The following FOXJ3 variants were observed in gnomAD, a reference collection of about 807,000 sequenced individuals.
FOXJ3 encodes forkhead box protein J3.
In FOXJ3, 22 loss-of-function variants were observed where a neutral mutation model predicts 76.1. The observed-to-expected ratio is 0.29, with a 90% CI of 0.21 to 0.41. FOXJ3 has a LOEUF of 0.41. Ranked by LOEUF, FOXJ3 falls within the 10% of genes least tolerant of loss-of-function variation. FOXJ3 has a pLI of 1.00. For synonymous variants in FOXJ3, 269 were observed against 261.2 expected (o/e 1.03, Z -0.29); for missense variants, 613 against 762.1 (o/e 0.80, Z 2.30).
chr1:42,292,564 A>C (rs1653509173), intron 2 of FOXJ3, among the ~76,000 whole-genome samples: 1 of 152,236 alleles, frequency 6.6e-6, no homozygotes, highest in Non-Finnish European at 1.5e-5. Flanking sequence ...ATTGTATGAT[A>C]CCATTTATGT....
At chr1:42,330,579 A>C (rs979080589) in intron 1 of FOXJ3, among the ~76,000 whole-genome samples, 4 of 152,102 alleles carry the variant, frequency 2.6e-5, no homozygotes, top group African/African-American at 9.7e-5. Context: ...TTGAGGTTGC[A>C]ATGAGCCATG....
At chr1:42,254,911 A>G (rs981139860) in intron 4 of FOXJ3, among the ~76,000 whole-genome samples, 1 of 151,700 alleles carries the variant, frequency 6.6e-6, no homozygotes, top group South Asian at 2.1e-4. Flanking sequence ...ACATGTACAC[A>G]TATGTAACTA....
chr1:42,330,933 A>C (rs1181804787), intron 1 of FOXJ3, among the ~76,000 whole-genome samples: 2 of 152,210 alleles, frequency 1.3e-5, no homozygotes, highest in Non-Finnish European at 2.9e-5. Flanking sequence ...ATAAACCAAT[A>C]AAACACTATA....
chr1:42,295,867 G>C (rs1653755451), intron 2 of FOXJ3, among the ~76,000 whole-genome samples: 1 of 152,104 alleles, frequency 6.6e-6, no homozygotes, highest in African/African-American at 2.4e-5. Context: ...ATTTTGGGCA[G>C]ATACCCCCAG....
intron 4 of FOXJ3, among the ~76,000 whole-genome samples, chr1:42,237,832 T>G (rs1648811551): frequency 6.6e-6 from 1 of 152,002 alleles, no homozygotes; most frequent in African/African-American, 2.4e-5. Flanking sequence ...ATATTAATTT[T>G]TTGTTCACTC....
At chr1:42,197,733 G>A (rs1022099124) in intron 7 of FOXJ3, among the ~76,000 whole-genome samples, 1 of 151,438 alleles carries the variant, frequency 6.6e-6, no homozygotes, top group Non-Finnish European at 1.5e-5. Context: ...GGCTGGAGTG[G>A]AGTGACGTGA....
intron 2 of FOXJ3, among the ~76,000 whole-genome samples, chr1:42,300,513 C>T (rs1423933984): frequency 6.6e-6 from 1 of 152,100 alleles, no homozygotes; most frequent in Admixed American, 6.5e-5. Flanking sequence ...CGGTGGCTCA[C>T]ACCTGTAATC....
rs9326121 is a variant in FOXJ3, at chr1:42,306,298, C to CTTTTTTTTTTTTTTTTTT, written c.44+4734_44+4751dup. Reference sequence around the variant, plus strand: ...CATCCATCACTCTCTGAACTTTTTTCTTTTTTTTTTTTTTTTTTTTTTTGG... The same window carrying CTTTTTTTTTTTTTTTTTT: ...CATCCATCACTCTCTGAACTTTTTTCTTTTTTTTTTTTTTTTTTTTTTTTTTTTTTTTTTTTTTTTTGG... On this transcript the variant is annotated intron_variant, in intron 2 of 12. Coordinates refer to ENST00000361346, the MANE Select transcript of FOXJ3 (RefSeq NM_014947.5). Among the ~76,000 whole-genome samples the CTTTTTTTTTTTTTTTTTT allele has an allele frequency of 1.8e-3, 150 of 81,670 alleles. 3 individuals are homozygous for CTTTTTTTTTTTTTTTTTT. Among genetic ancestry groups the CTTTTTTTTTTTTTTTTTT allele is most frequent in the East Asian group, 2.6e-3 (7 of 2,656 alleles). The allele number at this position is 81,670 out of a possible 152,430, so 53.6% of individuals were successfully genotyped here. A position where few individuals can be genotyped will look rare whatever the true frequency, so the allele number is the denominator to read the frequency against.
At chr1:42,194,451 A>G (rs1453730845) in intron 8 of FOXJ3, among the ~76,000 whole-genome samples, 3 of 152,196 alleles carry the variant, frequency 2.0e-5, no homozygotes, top group African/African-American at 7.2e-5. Context: ...TAAGTGCCAC[A>G]CTCAAAATCA....
intron 2 of FOXJ3, among the ~76,000 whole-genome samples, chr1:42,304,834 A>C (rs1257455903): frequency 6.6e-6 from 1 of 152,208 alleles, no homozygotes; most frequent in Non-Finnish European, 1.5e-5. Context: ...TGGAGTGGGC[A>C]AAGATTACTT....
At chr1:42,293,910 A>G (rs992133520) in intron 2 of FOXJ3, among the ~76,000 whole-genome samples, 1 of 152,236 alleles carries the variant, frequency 6.6e-6, no homozygotes, top group Admixed American at 6.5e-5. Context: ...AAAGAGACCC[A>G]GCCAAACACT....
chr1:42,263,877 C>T (rs1450206394), intron 4 of FOXJ3, among the ~76,000 whole-genome samples: 9 of 143,088 alleles, frequency 6.3e-5, no homozygotes, highest in Admixed American at 1.4e-4. Context: ...ATTTTAAGGG[C>T]AGTAGATAAC....
At chr1:42,183,061 G>C (rs934061764) in intron 11 of FOXJ3, among the ~76,000 whole-genome samples, 13 of 149,906 alleles carry the variant, frequency 8.7e-5, no homozygotes, top group Non-Finnish European at 1.9e-4. Flanking sequence ...GATCACCTGA[G>C]GTCACGAGTT....
chr1:42,232,824 T>C (rs1469943300), intron 4 of FOXJ3, among the ~76,000 whole-genome samples: 1 of 152,230 alleles, frequency 6.6e-6, no homozygotes, highest in Non-Finnish European at 1.5e-5. Context: ...CAATTTTGGC[T>C]TTTGTTGTCA....
At chr1:42,247,949 C>T (rs541444438) in intron 4 of FOXJ3, among the ~76,000 whole-genome samples, 6 of 152,204 alleles carry the variant, frequency 3.9e-5, no homozygotes, top group Admixed American at 6.5e-5. Flanking sequence ...CTATTACATG[C>T]TACAATATGG....
chr1:42,319,638 C>A (rs1458390342), intron 1 of FOXJ3, among the ~76,000 whole-genome samples: 1 of 152,176 alleles, frequency 6.6e-6, no homozygotes, highest in Non-Finnish European at 1.5e-5. Flanking sequence ...GAATTTTACA[C>A]TGAACTAGAT....
At chr1:42,251,317 G>C (rs145027373) in intron 4 of FOXJ3, among the ~76,000 whole-genome samples, 1 of 152,024 alleles carries the variant, frequency 6.6e-6, no homozygotes, top group African/African-American at 2.4e-5. Flanking sequence ...TTGAAAACTC[G>C]GACAAGTGGG....
Position 42,309,001 on chromosome 1 carries a change from CAAAA to C in FOXJ3, c.44+2045_44+2048del, listed in dbSNP as rs59583552. ...TAAAGAAATAACAACAGTCGTTTTA[CAAAA>C]AAAAAAAAAAAAATGCTTTTCTACT... is the stretch of plus-strand genomic sequence containing the variant. On this transcript the variant is annotated intron_variant, in intron 2 of 12. Transcript: ENST00000361346. Among the ~76,000 whole-genome samples, 61 of 103,834 alleles carry C rather than the reference CAAAA, an allele frequency of 5.9e-4. 2 individuals are homozygous for C. The highest frequency in any genetic ancestry group is 2.0e-3 in the African/African-American group (54 of 26,900). The allele number at this position is 103,834 out of a possible 152,430, so 68.1% of individuals were successfully genotyped here.
intron 1 of FOXJ3, among the ~76,000 whole-genome samples, chr1:42,314,911 T>C (rs1306802537): frequency 6.6e-6 from 1 of 152,114 alleles, no homozygotes; most frequent in Non-Finnish European, 1.5e-5. Context: ...TAAGTGAAAA[T>C]AACCCAAATG....
Sources: gnomAD v4.1 joint callset for allele counts (sites outside exome capture counted in the v4.1 genomes callset) on GRCh38, gnomAD v4.1.1 for gene constraint, MANE v1.5 for transcripts, NCBI Gene and HGNC (gene_info 2026-07-23, HGNC 2026-07-21) for gene names.